Variants in ZDHHC17 observed in about 807,000 individuals in gnomAD.
ZDHHC17 encodes the protein zDHHC palmitoyltransferase 17.
ZDHHC17 carries 40 observed loss-of-function variants against 90.3 expected under a neutral mutation model. The observed-to-expected ratio is 0.44, with a 90% CI of 0.34 to 0.58. The LOEUF is 0.58. ZDHHC17 is among the 20% of genes least tolerant of loss of function. The probability of loss-of-function intolerance (pLI) is 0.01; values close to 1 mark genes in which losing one functional copy is unlikely to be tolerated. For missense variants in ZDHHC17, 614 were observed against 780.8 expected, an observed-to-expected ratio of 0.79 and a Z score of 2.55; for synonymous variants, 235 against 252.4, an observed-to-expected ratio of 0.93 and a Z score of 0.65.
rs1015528369 is a variant in ZDHHC17, at chr12:76,764,526, G to C, written c.93+197G>C. 1.0e-5 allele frequency: 6 copies of C among 594,006 alleles called. No homozygotes were observed. In the African/African-American group the frequency reaches 1.1e-4, roughly 11 times the overall value. The allele number at this position is 594,006 out of a possible 1,614,324, so 36.8% of individuals were successfully genotyped here. The stretch of plus-strand genomic sequence containing the variant: ...GAGATAGCGGGGCGGGCCCGACCGG[G>C]GCGGGCTCTGGGACGCAGTCCCTGG... On this transcript the variant is annotated intron_variant, in intron 1 of 16. Transcript: ENST00000426126.
chr12:76,782,221 A>G (rs1018963584), intron 1 of ZDHHC17, among the ~76,000 whole-genome samples: 3 of 152,048 alleles, frequency 2.0e-5, no homozygotes, highest in African/African-American at 4.8e-5. Flanking sequence ...AGATTGGGGG[A>G]CTTTTCAGGA....
In ZDHHC17 at chr12:76,849,376, A is replaced by G; in HGVS notation, c.1666A>G (p.Ile556Val). The change falls in exon 16 of 17, where the codon ATA becomes GTA. Residue 556 changes from isoleucine to valine, a missense_variant and splice_region_variant. Physicochemically the swap from Ile to Val is conservative, Grantham distance 29. Around this residue, in one of 5 missense-constraint regions of ZDHHC17, gnomAD observed 111 missense variants for 179.8 expected, o/e 0.62. Transcript: ENST00000426126. ...TGGTTTGCTTTTTCTTTCCTCTTAG[A>G]TATCATGTTTAGGTATTACTACAAA... ...AVLLMCQMYQ[I>V]SCLGITTNER... 1 of 1,359,764 alleles carries G rather than the reference A, an allele frequency of 7.4e-7. No individual in the cohort carries two copies. The highest frequency in any genetic ancestry group is 1.0e-6 in the Non-Finnish European group (1 of 997,990). 84.2% of individuals were successfully genotyped at this position (1,359,764 alleles called of 1,614,324 possible).
At position 76,850,980 on chromosome 12, in the gene ZDHHC17, G is replaced by C; in HGVS notation, c.1894G>C (p.Val632Leu). 1 of 1,613,860 alleles carries C rather than the reference G, an allele frequency of 6.2e-7. No homozygotes were observed. ...AATATCAGGATCTGGGTACCAGCTG[G>C]TGTAGCGACATCTTATCCTATGAAG... ...DQISGSGYQL[V>L] The change falls in exon 17 of 17, where the codon GTG becomes CTG. Residue 632 changes from valine to leucine, a missense_variant. Around this residue, in one of 5 missense-constraint regions of ZDHHC17, gnomAD observed 28 missense variants for 20.0 expected, o/e 1.40. Coordinates refer to ENST00000426126, the MANE Select transcript of ZDHHC17 (RefSeq NM_015336.4).
chr12:76,771,827 G>A (rs1208146507), intron 1 of ZDHHC17, among the ~76,000 whole-genome samples: 1 of 151,986 alleles, frequency 6.6e-6, no homozygotes, highest in Non-Finnish European at 1.5e-5. Context: ...CAACAATCTT[G>A]TCTGAAACAT....
At position 76,797,521 on chromosome 12, in the gene ZDHHC17, A is replaced by G. The variant is rs1256565930; in HGVS notation, c.181A>G (p.Ile61Val). The G allele has an allele frequency of 2.5e-6, 4 of 1,606,508 alleles. No individual in the cohort carries two copies. The highest frequency in any genetic ancestry group is 3.4e-5 in the Admixed American group (2 of 59,294). The change falls in exon 2 of 17, where the codon ATA becomes GTA. Residue 61 changes from isoleucine (I) to valine (V), a missense_variant. Coordinates refer to ENST00000426126, the MANE Select transcript of ZDHHC17 (RefSeq NM_015336.4). Reference protein sequence around the residue: ...THIDDYSTWDIVKATQYGIYE... With the variant: ...THIDDYSTWDVVKATQYGIYE... ...TATTGATGATTACAGCACATGGGAC[A>G]TAGTCAAGGCTACACAGTAAGGTTT...
intron 1 of ZDHHC17, 47 bp downstream of exon 1, chr12:76,764,376 CT>C: frequency 6.6e-7 from 1 of 1,518,694 alleles, no homozygotes; most frequent in Non-Finnish European, 8.9e-7. Flanking sequence ...GCCCTCCAGC[CT>C]TTCTTCCCCG....
At chr12:76,777,798 AGC>A (rs983890282) in intron 1 of ZDHHC17, among the ~76,000 whole-genome samples, 1 of 152,198 alleles carries the variant, frequency 6.6e-6, no homozygotes, top group Non-Finnish European at 1.5e-5. Context: ...GGAGAGCCCT[AGC>A]AGGGATTGGG....
intron 6 of ZDHHC17, among the ~76,000 whole-genome samples, chr12:76,815,487 T>C (rs1004959032): frequency 6.6e-6 from 1 of 151,874 alleles, no homozygotes; most frequent in African/African-American, 2.4e-5. Flanking sequence ...GTGATTTACA[T>C]ATTGACAAAT....
rs200268928 is a variant in ZDHHC17 at position 76,828,426 on chromosome 12, C to G, written c.1077C>G (p.Pro359=). 2.7e-4 allele frequency: 431 copies of G among 1,612,826 alleles called. 1 individual carries two copies. In the African/African-American group the frequency reaches 4.9e-3, roughly 18 times the overall value. Residue 359 remains proline, a synonymous_variant, in exon 10 of 17, where the codon CCC becomes CCG. Transcript: ENST00000426126. ...FFDHSMHSAL[P]LGIYLATKFW... ...ATCATTCAATGCATAGTGCATTGCC[C>G]CTTGGGATATATTTGGCAACCAAAT... is the stretch of plus-strand genomic sequence containing the variant.
chr12:76,772,514 A>G (rs911399528), intron 1 of ZDHHC17, among the ~76,000 whole-genome samples: 8 of 147,302 alleles, frequency 5.4e-5, no homozygotes, highest in Admixed American at 2.8e-4. Flanking sequence ...CGTGTTGTGT[A>G]TTCTATGGTT....
rs772877987 is a variant in ZDHHC17, at chr12:76,851,323, C to G, written c.*338C>G. On this transcript the variant is annotated 3_prime_UTR_variant, in exon 17 of 17. Coordinates refer to ENST00000426126, the MANE Select transcript of ZDHHC17 (RefSeq NM_015336.4). The stretch of plus-strand genomic sequence containing the variant: ...CTATTGACAGACATGGTGTACTGAT[C>G]AGAAATGTTCAGTTTTAACTAAAAC... 6 of 243,794 alleles carry G rather than the reference C, an allele frequency of 2.5e-5. No individual in the cohort carries two copies. The highest frequency in any genetic ancestry group is 4.7e-5 in the Non-Finnish European group (6 of 126,486). The allele number at this position is 243,794 out of a possible 1,614,324, so 15.1% of individuals were successfully genotyped here. A position where few individuals can be genotyped will look rare whatever the true frequency, so the allele number is the denominator to read the frequency against.
At chr12:76,786,682 C>T (rs1446527335) in intron 1 of ZDHHC17, among the ~76,000 whole-genome samples, 1 of 152,108 alleles carries the variant, frequency 6.6e-6, no homozygotes, top group Non-Finnish European at 1.5e-5. Context: ...CACCACTGCA[C>T]CCAGCTGAAT....
Position 76,809,027 on chromosome 12 carries a change from A to G in ZDHHC17, c.321-16A>G, listed in dbSNP as rs555724584. 2.1e-5 allele frequency: 30 copies of G among 1,436,562 alleles called. No individual in the cohort carries two copies. The South Asian group carries it at 4.7e-4, about 23-fold the overall frequency. The allele number at this position is 1,436,562 out of a possible 1,614,324, so 89.0% of individuals were successfully genotyped here. On this transcript the variant is annotated splice_polypyrimidine_tract_variant and intron_variant, in intron 3 of 16. Coordinates refer to ENST00000426126, the MANE Select transcript of ZDHHC17 (RefSeq NM_015336.4). ...AAATGAAAGTTATTTAAATTATTATAAATTTTGTCTTATAGATACTATATT... is the reference window on the plus strand; with the variant it reads ...AAATGAAAGTTATTTAAATTATTATGAATTTTGTCTTATAGATACTATATT...
At chr12:76,823,049 G>GAGCT (rs920421297) in intron 8 of ZDHHC17, among the ~76,000 whole-genome samples, 6 of 88,888 alleles carry the variant, frequency 6.8e-5, no homozygotes, top group African/African-American at 2.4e-4. Context: ...TGACCTTTTG[G>GAGCT]GGCTAATAAT....
intron 1 of ZDHHC17, among the ~76,000 whole-genome samples, chr12:76,773,621 A>G (rs1434114573): frequency 6.6e-6 from 1 of 152,226 alleles, no homozygotes; most frequent in Non-Finnish European, 1.5e-5. Flanking sequence ...CATCATTAGA[A>G]AGTTGGCATA....
intron 7 of ZDHHC17, among the ~76,000 whole-genome samples, chr12:76,817,743 TAGTAAA>T (rs1023207019): frequency 1.5e-4 from 23 of 152,228 alleles, no homozygotes; most frequent in Non-Finnish European, 7.4e-5. Context: ...AAATTACTCT[TAGTAAA>T]AGGAATAATC....
intron 3 of ZDHHC17, among the ~76,000 whole-genome samples, chr12:76,807,617 A>G (rs144397604): frequency 2.6e-5 from 4 of 152,346 alleles, no homozygotes; most frequent in Admixed American, 2.0e-4. Flanking sequence ...AATAGAAGTT[A>G]TTCTTTTTTT....
intron 1 of ZDHHC17, among the ~76,000 whole-genome samples, chr12:76,765,475 C>A (rs2137702015): frequency 6.6e-6 from 1 of 152,260 alleles, no homozygotes; most frequent in Admixed American, 6.5e-5. Context: ...CTCTGGGTTT[C>A]TGATAAACAG....
chr12:76,822,287 A>G (rs1953172684), intron 7 of ZDHHC17, 119 bp from the exon 8 acceptor site: 1 of 1,310,260 alleles, frequency 7.6e-7, no homozygotes, highest in Non-Finnish European at 1.0e-6. Flanking sequence ...AGTAATTTAC[A>G]CAATGTCAAA....
Sources: gnomAD v4.1 joint callset for allele counts (sites outside exome capture counted in the v4.1 genomes callset) on GRCh38, gnomAD v4.1.1 for gene constraint, gnomAD v4.1.1 regional missense constraint, MANE v1.5 for transcripts, NCBI Gene and HGNC (gene_info 2026-07-23, HGNC 2026-07-21) for gene names.